CAMTA1: variants seen among roughly 807,000 people sequenced by gnomAD.
CAMTA1 encodes the protein calmodulin-binding transcription activator 1.
Under a neutral mutation model 170.9 loss-of-function variants are expected in CAMTA1, and 27 were observed. That is an observed-to-expected ratio of 0.16 (90% CI 0.12 to 0.22). The LOEUF (loss-of-function observed/expected upper bound fraction) is 0.22, where lower values mean the gene tolerates loss of function less well. Among genes scored for constraint, CAMTA1 ranks in the 10% least tolerant of loss-of-function variants. The pLI is 1.00. For synonymous variants in CAMTA1, 833 were observed against 891.5 expected (o/e 0.93, Z 1.17); for missense variants, 1,619 against 2,217.2 (o/e 0.73, Z 5.42).
At chr1:7,148,279 C>G (rs1171254791) in intron 4 of CAMTA1, among the ~76,000 whole-genome samples, 4 of 151,878 alleles carry the variant, frequency 2.6e-5, no homozygotes, top group South Asian at 4.2e-4. Context: ...AAACATACAC[C>G]AAGCACATGC....
chr1:6,952,829 A>G (rs1403958056), intron 3 of CAMTA1, among the ~76,000 whole-genome samples: 2 of 152,212 alleles, frequency 1.3e-5, no homozygotes, highest in African/African-American at 4.8e-5. Flanking sequence ...GCAAGACTCC[A>G]TCTCAAAAAA....
intron 5 of CAMTA1, among the ~76,000 whole-genome samples, chr1:7,294,900 C>T (rs763738833): frequency 4.5e-4 from 69 of 152,158 alleles, no homozygotes; most frequent in Non-Finnish European, 8.1e-4. Flanking sequence ...CTGGTCCTCT[C>T]GCATCTGCCC....
At chr1:7,001,879 T>TTCC (rs370759903) in intron 3 of CAMTA1, among the ~76,000 whole-genome samples, 1 of 133,476 alleles carries the variant, frequency 7.5e-6, no homozygotes, top group African/African-American at 3.0e-5. Context: ...TTTTTCTTTC[T>TTCC]TTCTTCTTCT....
intron 4 of CAMTA1, among the ~76,000 whole-genome samples, chr1:7,211,094 T>C (rs1658666462): frequency 6.6e-6 from 1 of 152,260 alleles, no homozygotes; most frequent in Admixed American, 6.5e-5. Context: ...GCTGTCTTTA[T>C]CATAGATCTA....
chr1:7,689,313 C>G (rs1199173146), intron 11 of CAMTA1, among the ~76,000 whole-genome samples: 4 of 151,252 alleles, frequency 2.6e-5, no homozygotes, highest in African/African-American at 9.7e-5. Flanking sequence ...GTGGCTCACA[C>G]CTGTAATCCC....
intron 4 of CAMTA1, among the ~76,000 whole-genome samples, chr1:7,230,025 C>G (rs1662436614): frequency 1.3e-5 from 2 of 151,988 alleles, no homozygotes; most frequent in African/African-American, 4.8e-5. Context: ...GCTTTCACCC[C>G]AAGGAGCTCT....
Position 7,007,150 on chromosome 1 carries a change from C to T in CAMTA1, c.235-84154C>T, listed in dbSNP as rs572040706. Among the ~76,000 whole-genome samples, 135 of 152,204 alleles carry T rather than the reference C, an allele frequency of 8.9e-4. No individual in the cohort carries two copies. The highest frequency in any genetic ancestry group is 1.6e-3 in the Non-Finnish European group (112 of 68,002). On this transcript the variant is annotated intron_variant, in intron 3 of 22. Transcript: ENST00000303635. This position sits in a 1 kb window ranked among gnomAD's most constrained non-coding sequence, Gnocchi z 4.5. ...GGTTGTTTGGTGGGCACCATGCTACCTCTGAGAAGAGAGGTGCTCTGCTGC... is the reference window on the plus strand; with the variant it reads ...GGTTGTTTGGTGGGCACCATGCTACTTCTGAGAAGAGAGGTGCTCTGCTGC...
intron 5 of CAMTA1, among the ~76,000 whole-genome samples, chr1:7,321,170 G>A (rs1382282308): frequency 3.3e-5 from 5 of 152,158 alleles, no homozygotes; most frequent in Non-Finnish European, 7.4e-5. Flanking sequence ...TCCAGAGATT[G>A]GTAAGGGATT....
chr1:7,528,590 T>C (rs1188839196), intron 6 of CAMTA1, among the ~76,000 whole-genome samples: 1 of 152,078 alleles, frequency 6.6e-6, no homozygotes, highest in South Asian at 2.1e-4. Flanking sequence ...GGGAGGAGCT[T>C]TTGCATGAGG....
chr1:7,290,114 G>C (rs1450777566), intron 5 of CAMTA1, among the ~76,000 whole-genome samples: 1 of 152,210 alleles, frequency 6.6e-6, no homozygotes, highest in East Asian at 1.9e-4. Context: ...CATGTGAGGT[G>C]CATTGGAAAA....
At chr1:6,930,803 A>G (rs7519035) in intron 3 of CAMTA1, among the ~76,000 whole-genome samples, 99,813 of 152,114 alleles carry the variant, frequency 0.66, 33,310 homozygotes, top group Admixed American at 0.75. Flanking sequence ...AGTAAGGCTC[A>G]GCCCCTGCTC....
chr1:6,877,251 G>A (rs564141913), intron 3 of CAMTA1, among the ~76,000 whole-genome samples: 15 of 152,324 alleles, frequency 9.8e-5, no homozygotes, highest in East Asian at 1.9e-4. Flanking sequence ...GAGGGCAAGC[G>A]GCAGACTTCC....
In CAMTA1 at chr1:7,044,289, C is replaced by T. The variant is rs1200267264; in HGVS notation, c.235-47015C>T. On this transcript the variant is annotated intron_variant, in intron 3 of 22. Transcript: ENST00000303635. The surrounding 1 kb of genome is among the most constrained non-coding windows in gnomAD (Gnocchi z 5.0). ...GGCCAAGGGTCTCACCCAGACTAGA[C>T]GGGAATGGGGGAGACCCAGAGAGAC... Among the ~76,000 whole-genome samples the T allele has an allele frequency of 6.6e-6, 1 of 152,142 alleles. No individual in the cohort carries two copies. The highest frequency in any genetic ancestry group is 2.4e-5 in the African/African-American group (1 of 41,428).
At chr1:7,758,409 T>G (rs554511570) in intron 22 of CAMTA1, among the ~76,000 whole-genome samples, 1 of 152,320 alleles carries the variant, frequency 6.6e-6, no homozygotes, top group Non-Finnish European at 1.5e-5. Context: ...GTTTGAGAGA[T>G]AGGGGCTGAG....
At chr1:7,243,959 CA>C (rs1249564117) in intron 4 of CAMTA1, among the ~76,000 whole-genome samples, 2 of 152,152 alleles carry the variant, frequency 1.3e-5, no homozygotes, top group African/African-American at 2.4e-5. Context: ...AGGCAACCTA[CA>C]GAATGGGAGA....
At chr1:7,515,414 G>A (rs548269018) in intron 6 of CAMTA1, among the ~76,000 whole-genome samples, 2 of 152,306 alleles carry the variant, frequency 1.3e-5, no homozygotes, top group South Asian at 4.1e-4. Flanking sequence ...GTGACTTCAG[G>A]TGAGTCATTC....
In CAMTA1 at chr1:7,558,270, T is replaced by C. The variant is rs541431026; in HGVS notation, c.511-82130T>C. Among the ~76,000 whole-genome samples, 3 of 152,346 alleles carry C rather than the reference T, an allele frequency of 2.0e-5. No individual in the cohort carries two copies. The East Asian group carries it at 5.8e-4, about 29-fold the overall frequency. ...GGCCCCCGCCCGCTGCCTCTGCTCC[T>C]GTGGGACTGGATTCAATACCAACAT... On this transcript the variant is annotated intron_variant, in intron 6 of 22. Coordinates refer to ENST00000303635, the MANE Select transcript of CAMTA1 (RefSeq NM_015215.4).
At chr1:7,048,113 G>A (rs1293821849) in intron 3 of CAMTA1, among the ~76,000 whole-genome samples, 3 of 152,114 alleles carry the variant, frequency 2.0e-5, no homozygotes, top group Non-Finnish European at 4.4e-5. Flanking sequence ...GGTGGTCATG[G>A]AGGATTTCAG....
intron 22 of CAMTA1, among the ~76,000 whole-genome samples, chr1:7,762,432 G>A (rs182474203): frequency 5.3e-4 from 81 of 152,230 alleles, no homozygotes; most frequent in African/African-American, 1.9e-3. Flanking sequence ...TAAAATTCTA[G>A]TATATGTTAT....
Sources: allele counts gnomAD v4.1 joint callset (sites outside exome capture counted in the v4.1 genomes callset), GRCh38; gene constraint gnomAD v4.1.1; non-coding constraint Gnocchi (gnomAD v3.1); transcripts MANE v1.5; gene names NCBI Gene and HGNC (gene_info 2026-07-23, HGNC 2026-07-21).